The following PAK5 variants were observed in gnomAD, a reference collection of about 807,000 sequenced individuals.
The protein encoded by PAK5 is serine/threonine-protein kinase PAK 5.
Under a neutral mutation model 65.9 loss-of-function variants are expected in PAK5, and 16 were observed. The ratio of observed to expected loss-of-function variants is 0.24; its 90% CI spans 0.16 to 0.37. The LOEUF (loss-of-function observed/expected upper bound fraction) is 0.37. PAK5 is among the 10% of genes least tolerant of loss of function. PAK5 has a pLI of 1.00. For missense variants in PAK5, 785 were observed against 903.9 expected, an observed-to-expected ratio of 0.87 and a Z score of 1.69; for synonymous variants, 371 against 354.9, an observed-to-expected ratio of 1.05 and a Z score of -0.51.
chr20:9,656,635 G>C (rs2047271758), intron 2 of PAK5, among the ~76,000 whole-genome samples: 1 of 152,142 alleles, frequency 6.6e-6, no homozygotes, highest in African/African-American at 2.4e-5. Flanking sequence ...TCAAACCTTT[G>C]TTCTTCTACT....
intron 3 of PAK5, among the ~76,000 whole-genome samples, chr20:9,609,673 T>A (rs1022119147): frequency 5.3e-5 from 8 of 152,210 alleles, no homozygotes; most frequent in African/African-American, 1.7e-4. Flanking sequence ...GGCCATACTA[T>A]CCTGGAAGAT....
intron 1 of PAK5, among the ~76,000 whole-genome samples, chr20:9,790,257 A>G (rs1258589044): frequency 6.6e-6 from 1 of 152,158 alleles, no homozygotes; most frequent in Non-Finnish European, 1.5e-5. Context: ...AAGACACACT[A>G]TGCCATAATT....
intron 2 of PAK5, among the ~76,000 whole-genome samples, chr20:9,702,791 T>C (rs575080707): frequency 6.6e-6 from 1 of 152,298 alleles, no homozygotes; most frequent in South Asian, 2.1e-4. Context: ...CTATGCATTA[T>C]AGTAGTTAAG....
chr20:9,705,556 C>T (rs1475037531), intron 2 of PAK5, among the ~76,000 whole-genome samples: 5 of 152,100 alleles, frequency 3.3e-5, no homozygotes, highest in Admixed American at 2.0e-4. Flanking sequence ...AGGGTGACCA[C>T]TTATACCATT....
At chr20:9,744,000 T>A (rs1334052583) in intron 1 of PAK5, among the ~76,000 whole-genome samples, 1 of 152,028 alleles carries the variant, frequency 6.6e-6, no homozygotes, top group Non-Finnish European at 1.5e-5. Flanking sequence ...GAGATAGCAA[T>A]GTGAAGAGAG....
chr20:9,537,939 A>C lies in PAK5; in HGVS notation c.*1523T>G, dbSNP rs1603181302. On this transcript the variant is annotated 3_prime_UTR_variant, in exon 10 of 10. Coordinates refer to ENST00000353224, the MANE Select transcript of PAK5 (RefSeq NM_177990.4). ...ATTACAAAAATTCTTAATTATGCTTAGAGCAACCAGAGCGCTATCACAAAT... is the reference window on the plus strand; with the variant it reads ...ATTACAAAAATTCTTAATTATGCTTCGAGCAACCAGAGCGCTATCACAAAT... The C allele has an allele frequency of 1.3e-5, 3 of 230,806 alleles. No individual in the cohort carries two copies. The East Asian group carries it at 1.9e-4, about 14-fold the overall frequency. The allele number at this position is 230,806 out of a possible 1,614,324, so 14.3% of individuals were successfully genotyped here. A position where few individuals can be genotyped will look rare whatever the true frequency, so the allele number is the denominator to read the frequency against.
chr20:9,647,586 A>G (rs921295167), intron 2 of PAK5, among the ~76,000 whole-genome samples: 12 of 152,220 alleles, frequency 7.9e-5, no homozygotes, highest in African/African-American at 2.9e-4. Context: ...TGAAAAGAAG[A>G]TATCAATGAA....
chr20:9,669,678 T>C (rs2047467333), intron 2 of PAK5, among the ~76,000 whole-genome samples: 1 of 152,140 alleles, frequency 6.6e-6, no homozygotes, highest in Admixed American at 6.6e-5. Context: ...AATTTTGCTT[T>C]CTAATTTACC....
At chr20:9,597,860 G>A (rs1022449715) in intron 3 of PAK5, among the ~76,000 whole-genome samples, 4 of 152,234 alleles carry the variant, frequency 2.6e-5, no homozygotes, top group African/African-American at 9.6e-5. Context: ...CAACTCAGAA[G>A]CTGATGCGAG....
chr20:9,771,582 A>ATTTTTTTTTTTTT (rs545140358), intron 1 of PAK5, among the ~76,000 whole-genome samples: 89 of 109,738 alleles, frequency 8.1e-4, no homozygotes, highest in East Asian at 1.6e-3. Flanking sequence ...CAATTTTTTA[A>ATTTTTTTTTTTTT]TTTTTTTTTT....
Position 9,698,530 on chromosome 20 carries a change from T to C in PAK5, c.-12+12756A>G, listed in dbSNP as rs2047898600. 2.0e-5 allele frequency among the ~76,000 whole-genome samples: 3 copies of C among 152,200 alleles called. No homozygotes were observed. In the South Asian group the frequency reaches 6.2e-4, roughly 31 times the overall value. ...ATCAAAAAGCACTTCATCTAAGGAA[T>C]GTTTGCAGACATGCCATTTGGTTTG... On this transcript the variant is annotated intron_variant, in intron 2 of 9. Coordinates refer to ENST00000353224, the MANE Select transcript of PAK5 (RefSeq NM_177990.4).
At chr20:9,540,370 C>T (rs1356748568) in intron 9 of PAK5, among the ~76,000 whole-genome samples, 4 of 152,214 alleles carry the variant, frequency 2.6e-5, no homozygotes, top group African/African-American at 9.7e-5. Context: ...GGTTTCCTTC[C>T]TGCCAACCCC....
rs1568977224 is a variant in PAK5 at position 9,580,421 on chromosome 20, T to C, written c.714A>G (p.Arg238=). The change falls in exon 4 of 10, where the codon AGA becomes AGG. Residue 238 remains arginine (R), a synonymous_variant. Transcript: ENST00000353224. Reference sequence around the variant, plus strand: ...TGGAGCACCCGCTGGTCCCTGCAGTTCTAGAAGGTGTGAATTGGAATGAAT... The same window carrying C: ...TGGAGCACCCGCTGGTCCCTGCAGTCCTAGAAGGTGTGAATTGGAATGAAT... ...LDYSFQFTPS[R]TAGTSGCSKE... is the part of the protein sequence containing the mutation. 2 of 1,614,062 alleles carry C rather than the reference T, an allele frequency of 1.2e-6. No individual in the cohort carries two copies. Among genetic ancestry groups the C allele is most frequent in the Admixed American group, 3.3e-5 (2 of 60,000 alleles).
chr20:9,819,445 C>A (rs527498914), intron 1 of PAK5, among the ~76,000 whole-genome samples: 1 of 152,246 alleles, frequency 6.6e-6, no homozygotes, highest in South Asian at 2.1e-4. Flanking sequence ...TGCAATCAGT[C>A]CAGTAAATTA....
At chr20:9,595,757 TC>T (rs199760504) in intron 3 of PAK5, among the ~76,000 whole-genome samples, 1,738 of 152,266 alleles carry the variant, frequency 0.011, 35 homozygotes, top group African/African-American at 0.038. Context: ...TCATTAAGTG[TC>T]CCCCTAGAAA....
rs143478759 is a variant in PAK5 at position 9,631,465 on chromosome 20, G to A, written c.204+12660C>T. On this transcript the variant is annotated intron_variant, in intron 3 of 9. Transcript: ENST00000353224. The stretch of plus-strand genomic sequence containing the variant: ...TAGCCTTGAAGAAGCAAGCTGTCAC[G>A]CATTCTGCAGCTGCAAAGAAAAGAA... 2.6e-4 allele frequency among the ~76,000 whole-genome samples: 39 copies of A among 152,256 alleles called. No homozygotes were observed. In the East Asian group the frequency reaches 5.6e-3, roughly 22 times the overall value.
chr20:9,634,361 C>T (rs752498308), intron 3 of PAK5, among the ~76,000 whole-genome samples: 11 of 152,174 alleles, frequency 7.2e-5, no homozygotes, highest in Non-Finnish European at 1.5e-4. Context: ...GGATAAATTC[C>T]CTGGGGTGAT....
intron 4 of PAK5, among the ~76,000 whole-genome samples, chr20:9,574,689 T>C (rs1321909958): frequency 6.6e-6 from 1 of 152,236 alleles, no homozygotes; most frequent in Non-Finnish European, 1.5e-5. Context: ...TCCATTCATA[T>C]GCAAAGGACA....
Position 9,542,710 on chromosome 20 carries a change from C to A in PAK5, c.1880G>T (p.Trp627Leu). 1 of 1,614,014 alleles carries A rather than the reference C, an allele frequency of 6.2e-7. No individual in the cohort carries two copies. Among genetic ancestry groups the A allele is most frequent in the Non-Finnish European group, 8.5e-7 (1 of 1,179,942 alleles). Residue 627 changes from tryptophan (W) to leucine (L), a missense_variant, in exon 9 of 10, where the codon TGG (tryptophan) becomes TTG (leucine). Physicochemically the swap from Trp to Leu is moderately conservative, Grantham distance 61. Transcript: ENST00000353224. ...RLPYGTEVDI[W>L]SLGIMVIEMI... is the part of the protein sequence containing the mutation. ...TTCTATCACCATGATCCCGAGGGAC[C>A]AGATGTCCACCTGTTAGGCACACCC...
Sources: allele counts gnomAD v4.1 joint callset (sites outside exome capture counted in the v4.1 genomes callset), GRCh38; gene constraint gnomAD v4.1.1; transcripts MANE v1.5; gene names NCBI Gene and HGNC (gene_info 2026-07-23, HGNC 2026-07-21).